Variants in DACH2 observed in about 807,000 individuals in gnomAD.
DACH2 encodes the protein dachshund family transcription factor 2.
A neutral mutation model predicts 35.8 loss-of-function variants in DACH2; 17 were observed. The observed-to-expected ratio is 0.48, with a 90% CI of 0.33 to 0.71. The LOEUF (loss-of-function observed/expected upper bound fraction) is 0.71. Among genes scored for constraint, DACH2 ranks in the 30% least tolerant of loss-of-function variants. The probability of loss-of-function intolerance (pLI) is 0.02; values close to 1 mark genes in which losing one functional copy is unlikely to be tolerated. For synonymous variants in DACH2, 195 were observed against 177.3 expected, an observed-to-expected ratio of 1.10 and a Z score of -0.79; for missense variants, 469 against 472.7, an observed-to-expected ratio of 0.99 and a Z score of 0.07.
chrX:86,519,944 A>G (rs1267114004), intron 3 of DACH2, among the ~76,000 whole-genome samples: 1 of 110,574 alleles, frequency 9.0e-6, no homozygotes, highest in Non-Finnish European at 1.9e-5. Flanking sequence ...CTCTTGTGCT[A>G]GCCTTGGGCT....
intron 2 of DACH2, among the ~76,000 whole-genome samples, chrX:86,386,546 A>G (rs2036125671): frequency 9.0e-6 from 1 of 110,596 alleles, no homozygotes; most frequent in Non-Finnish European, 1.9e-5. Flanking sequence ...TTTCTGTCCC[A>G]TTTATGTATT....
chrX:86,395,642 G>T (rs1361744655), intron 2 of DACH2, among the ~76,000 whole-genome samples: 24 of 110,841 alleles, frequency 2.2e-4, no homozygotes, highest in Admixed American at 1.9e-3. Flanking sequence ...GCGGTGTTTG[G>T]TTTTTTGTCC....
At chrX:86,649,618 C>T (rs1216842335) in intron 3 of DACH2, among the ~76,000 whole-genome samples, 1 of 110,595 alleles carries the variant, frequency 9.0e-6, no homozygotes, top group Non-Finnish European at 1.9e-5. Flanking sequence ...AGGAAATTTC[C>T]CTTCAGATTT....
intron 1 of DACH2, among the ~76,000 whole-genome samples, chrX:86,218,796 A>C (rs1252637242): frequency 8.9e-6 from 1 of 112,053 alleles, no homozygotes; most frequent in Non-Finnish European, 1.9e-5. Flanking sequence ...TATAGCTTAA[A>C]ATCAAATTTT....
intron 4 of DACH2, among the ~76,000 whole-genome samples, chrX:86,657,580 T>C (rs754058517): frequency 1.4e-4 from 16 of 111,538 alleles, no homozygotes; most frequent in Non-Finnish European, 3.0e-4. Context: ...TATAAATGAA[T>C]GGTCTCTCTT....
At chrX:86,302,899 T>C (rs1019357223) in intron 1 of DACH2, among the ~76,000 whole-genome samples, 10 of 109,307 alleles carry the variant, frequency 9.1e-5, no homozygotes, top group African/African-American at 3.3e-4. Context: ...ATAACCAATA[T>C]GTAATGAGTA....
chrX:86,795,701 T>C (rs2042230116), intron 7 of DACH2, among the ~76,000 whole-genome samples: 1 of 112,162 alleles, frequency 8.9e-6, no homozygotes, highest in Admixed American at 9.4e-5. Flanking sequence ...TTACAGTTTG[T>C]AAAGATGGTG....
intron 2 of DACH2, among the ~76,000 whole-genome samples, chrX:86,486,180 A>T (rs2038016795): frequency 9.0e-6 from 1 of 110,561 alleles, no homozygotes; most frequent in Non-Finnish European, 1.9e-5. Flanking sequence ...CATTTTCATG[A>T]TTTTGTCTGG....
At chrX:86,197,587 A>G (rs1406164347) in intron 1 of DACH2, among the ~76,000 whole-genome samples, 1 of 111,095 alleles carries the variant, frequency 9.0e-6, no homozygotes, top group African/African-American at 3.3e-5. Context: ...CAAATAGAAA[A>G]CAGAAAAAAA....
At chrX:86,468,535 C>T (rs2037710436) in intron 2 of DACH2, among the ~76,000 whole-genome samples, 1 of 111,445 alleles carries the variant, frequency 9.0e-6, no homozygotes, top group African/African-American at 3.3e-5. Context: ...CAGTTAAAAG[C>T]CTACTGAGAG....
intron 2 of DACH2, among the ~76,000 whole-genome samples, chrX:86,429,980 C>T (rs1162298113): frequency 8.9e-6 from 1 of 112,276 alleles, no homozygotes; most frequent in Non-Finnish European, 1.9e-5. Flanking sequence ...TTTTCTGTTT[C>T]AGCACTGGAA....
At chrX:86,577,679 T>C (rs1006262171) in intron 3 of DACH2, among the ~76,000 whole-genome samples, 2 of 111,544 alleles carry the variant, frequency 1.8e-5, no homozygotes, top group African/African-American at 6.5e-5. Flanking sequence ...CCTGGGGGTC[T>C]AGTCACCAGA....
chrX:86,209,089 T>A (rs942894149), intron 1 of DACH2, among the ~76,000 whole-genome samples: 6 of 111,957 alleles, frequency 5.4e-5, no homozygotes, highest in Non-Finnish European at 7.5e-5. Context: ...TCAGCTATGC[T>A]CCTTTGCATC....
At chrX:86,610,417 CTTTTCTTTCTTTCTTTCTTTCT>C (rs1383065025) in intron 3 of DACH2, among the ~76,000 whole-genome samples, 1 of 49,406 alleles carries the variant, frequency 2.0e-5, no homozygotes, top group African/African-American at 7.2e-5. Flanking sequence ...TTCTTTCTTT[CTTTTCTTTCTTTCTTTCTTTCT>C]TTCTTTCTTT....
chrX:86,288,617 C>T (rs776538828), intron 1 of DACH2, among the ~76,000 whole-genome samples: 1 of 112,159 alleles, frequency 8.9e-6, no homozygotes, highest in Non-Finnish European at 1.9e-5. Flanking sequence ...GTCCTTTTCA[C>T]TCTTCCCTCC....
chrX:86,739,674 A>G, intron 6 of DACH2, 73 bp from the exon 7 acceptor site: 1 of 1,129,816 alleles, frequency 8.9e-7, no homozygotes, highest in East Asian at 3.3e-5. Flanking sequence ...CAACATTTCA[A>G]ATGTAGAGAC....
rs1195606211 is a variant in DACH2, at chrX:86,291,443, C to T, written c.489-85381C>T. The stretch of plus-strand genomic sequence containing the variant: ...CCTTCTCCTGCCTAATTGGCCTGGC[C>T]AGAACTTCCAACACTATATTGAATA... On this transcript the variant is annotated intron_variant, in intron 1 of 11. Coordinates refer to ENST00000373125, the MANE Select transcript of DACH2 (RefSeq NM_053281.3). Among the ~76,000 whole-genome samples, 4 of 101,357 alleles carry T rather than the reference C, an allele frequency of 3.9e-5. No homozygotes were observed. In the East Asian group the frequency reaches 9.6e-4, roughly 24 times the overall value. The allele number at this position is 101,357 out of a possible 115,157, so 88.0% of individuals were successfully genotyped here. A position where few individuals can be genotyped will look rare whatever the true frequency, so the allele number is the denominator to read the frequency against.
At chrX:86,714,149 A>T (rs1048270602) in intron 5 of DACH2, among the ~76,000 whole-genome samples, 4 of 111,926 alleles carry the variant, frequency 3.6e-5, no homozygotes, top group Non-Finnish European at 5.6e-5. Flanking sequence ...TCTTAAAGAA[A>T]TTGTAAAGCT....
chrX:86,811,431 C>T (rs1443214015), intron 7 of DACH2, among the ~76,000 whole-genome samples: 2 of 111,731 alleles, frequency 1.8e-5, no homozygotes, highest in Admixed American at 9.5e-5. Context: ...AACCAATAGA[C>T]ATCTTTTTTT....
Sources: gnomAD v4.1 joint callset for allele counts (sites outside exome capture counted in the v4.1 genomes callset) on GRCh38, gnomAD v4.1.1 for gene constraint, MANE v1.5 for transcripts, NCBI Gene and HGNC (gene_info 2026-07-23, HGNC 2026-07-21) for gene names.